DDI2: variants seen among roughly 807,000 people sequenced by gnomAD.
DDI2 encodes the protein DDI proteasomal shuttling factor 2, also known as protein DDI1 homolog 2.
A neutral mutation model predicts 48.1 loss-of-function variants in DDI2; 5 were observed. The observed-to-expected ratio is 0.10, with a 90% CI of 0.05 to 0.22. The LOEUF (loss-of-function observed/expected upper bound fraction) is 0.22, where lower values mean the gene tolerates loss of function less well. Among genes scored for constraint, DDI2 ranks in the 10% least tolerant of loss-of-function variants. The pLI is 1.00. For missense variants in DDI2, 285 were observed against 506.2 expected (o/e 0.56, Z 4.19); for synonymous variants, 205 against 183.6 (o/e 1.12, Z -0.94).
intron 1 of DDI2, among the ~76,000 whole-genome samples, chr1:15,620,894 G>A (rs887181640): frequency 6.6e-6 from 1 of 152,170 alleles, no homozygotes; most frequent in Non-Finnish European, 1.5e-5. Flanking sequence ...TTCCTCCACC[G>A]TTAAAGAATT....
At chr1:15,624,349 T>A (rs1639719657) in intron 1 of DDI2, among the ~76,000 whole-genome samples, 1 of 152,244 alleles carries the variant, frequency 6.6e-6, no homozygotes, top group South Asian at 2.1e-4. Context: ...GTTGTTTTGC[T>A]GAAATTCTGT....
At chr1:15,631,770 A>G (rs541939377) in intron 3 of DDI2, among the ~76,000 whole-genome samples, 4 of 151,538 alleles carry the variant, frequency 2.6e-5, no homozygotes, top group African/African-American at 9.7e-5. Flanking sequence ...CTTCATGTAT[A>G]TGGAATAATA....
intron 5 of DDI2, among the ~76,000 whole-genome samples, chr1:15,640,496 A>G (rs1243413495): frequency 6.6e-6 from 1 of 152,172 alleles, no homozygotes; most frequent in Non-Finnish European, 1.5e-5. Context: ...GATGCCAGAA[A>G]TCTCAACCAC....
In DDI2 at chr1:15,668,826, A is replaced by G. The variant is rs1640489281; in HGVS notation, c.*9036A>G. Reference sequence around the variant, plus strand: ...ACTCAGGAATCCCAAAATTGGTGGCATTGTGCCATTCGTTTAGGGGCTGAA... The same window carrying G: ...ACTCAGGAATCCCAAAATTGGTGGCGTTGTGCCATTCGTTTAGGGGCTGAA... On this transcript the variant is annotated 3_prime_UTR_variant, in exon 10 of 10. Transcript: ENST00000480945. 1 of 152,234 alleles carries G rather than the reference A, an allele frequency of 6.6e-6. No individual in the cohort carries two copies. Among genetic ancestry groups the G allele is most frequent in the Admixed American group, 6.5e-5 (1 of 15,274 alleles). 9.4% of individuals were successfully genotyped at this position (152,234 alleles called of 1,614,324 possible).
chr1:15,629,293 A>T (rs145589504), intron 2 of DDI2, among the ~76,000 whole-genome samples: 141 of 152,270 alleles, frequency 9.3e-4, no homozygotes, highest in African/African-American at 3.2e-3. Flanking sequence ...CTCACTTGAC[A>T]TATATAATAT....
At position 15,662,892 on chromosome 1, in the gene DDI2, T is replaced by C. The variant is rs1029819689; in HGVS notation, c.*3102T>C. The C allele has an allele frequency of 1.3e-5, 2 of 152,222 alleles. No homozygotes were observed. The highest frequency in any genetic ancestry group is 2.4e-5 in the African/African-American group (1 of 41,462). The allele number at this position is 152,222 out of a possible 1,614,324, so 9.4% of individuals were successfully genotyped here. Reference sequence around the variant, plus strand: ...TTTCTTTCCTCAGGAGTTTCTTTTTTAAGCAAAATTCATCTTATTTGTGTT... The same window carrying C: ...TTTCTTTCCTCAGGAGTTTCTTTTTCAAGCAAAATTCATCTTATTTGTGTT... On this transcript the variant is annotated 3_prime_UTR_variant, in exon 10 of 10. Coordinates refer to ENST00000480945, the MANE Select transcript of DDI2 (RefSeq NM_032341.5).
At chr1:15,637,463 G>C (rs1639946785) in intron 4 of DDI2, among the ~76,000 whole-genome samples, 1 of 152,150 alleles carries the variant, frequency 6.6e-6, no homozygotes, top group Non-Finnish European at 1.5e-5. Context: ...CGCCCCCCGG[G>C]TTCAAGCAGT....
chr1:15,640,848 T>C (rs1019862808), intron 5 of DDI2, among the ~76,000 whole-genome samples: 1 of 152,062 alleles, frequency 6.6e-6, no homozygotes, highest in Non-Finnish European at 1.5e-5. Flanking sequence ...AGTGTTGGAA[T>C]TGAGTGAGAG....
At chr1:15,623,860 A>G (rs1639710750) in intron 1 of DDI2, among the ~76,000 whole-genome samples, 1 of 152,076 alleles carries the variant, frequency 6.6e-6, no homozygotes, top group Admixed American at 6.6e-5. Context: ...GGAGATCGAG[A>G]CCATCCTGGC....
rs528580114 is a variant in DDI2, at chr1:15,639,655, G to C, written c.760+1221G>C. On this transcript the variant is annotated intron_variant, in intron 5 of 9. Coordinates refer to ENST00000480945, the MANE Select transcript of DDI2 (RefSeq NM_032341.5). ...ATTTTTTAACTTTTTGTAGAGACAG[G>C]GTTCCCCTGTATTGTGTAGGCTGAT... 1.2e-4 allele frequency among the ~76,000 whole-genome samples: 19 copies of C among 152,174 alleles called. No individual in the cohort carries two copies. The South Asian group carries it at 3.1e-3, about 25-fold the overall frequency.
intron 2 of DDI2, chr1:15,627,125 G>A (rs1420070375): frequency 3.0e-5 from 7 of 230,074 alleles, no homozygotes; most frequent in Non-Finnish European, 1.7e-5. Context: ...CCTTGGGAAG[G>A]ACTTGAAAGA....
chr1:15,636,024 C>T (rs1010950146), intron 4 of DDI2, among the ~76,000 whole-genome samples: 4 of 152,172 alleles, frequency 2.6e-5, no homozygotes, highest in African/African-American at 9.7e-5. Context: ...GTGCTTTTGA[C>T]TTTCTGAGTT....
chr1:15,663,021 T>C lies in DDI2; in HGVS notation c.*3231T>C, dbSNP rs1640404711. ...GAAATCATTGTCCTGTGGGCCCCAC[T>C]GTGCAATAATCCTACTGGATAGGTT... On this transcript the variant is annotated 3_prime_UTR_variant, in exon 10 of 10. Coordinates refer to ENST00000480945, the MANE Select transcript of DDI2 (RefSeq NM_032341.5). 1 of 152,234 alleles carries C rather than the reference T, an allele frequency of 6.6e-6. No homozygotes were observed. The allele number at this position is 152,234 out of a possible 1,614,324, so 9.4% of individuals were successfully genotyped here. A position where few individuals can be genotyped will look rare whatever the true frequency, so the allele number is the denominator to read the frequency against.
intron 5 of DDI2, among the ~76,000 whole-genome samples, chr1:15,640,361 A>G (rs1322942231): frequency 6.6e-6 from 1 of 152,204 alleles, no homozygotes; most frequent in Non-Finnish European, 1.5e-5. Flanking sequence ...GAAAACTTAG[A>G]TATAGAGAGG....
chr1:15,652,008 G>A, intron 8 of DDI2, 113 bp downstream of exon 8: 3 of 794,498 alleles, frequency 3.8e-6, no homozygotes, highest in Middle Eastern at 4.8e-4. Flanking sequence ...TCATGGTCCA[G>A]TAGTAGATGT....
chr1:15,624,757 C>CCTA (rs757447212), intron 1 of DDI2, among the ~76,000 whole-genome samples: 6 of 151,956 alleles, frequency 3.9e-5, no homozygotes, highest in Non-Finnish European at 7.4e-5. Context: ...GGAGTTATAT[C>CCTA]CTACTACTCA....
rs1441226953 is a variant in DDI2 at position 15,649,724 on chromosome 1, G to A, written c.894G>A (p.Gln298=). The A allele has an allele frequency of 6.2e-7, 1 of 1,610,734 alleles. No homozygotes were observed. Among genetic ancestry groups the A allele is most frequent in the Admixed American group, 1.7e-5 (1 of 59,078 alleles). The change falls in exon 7 of 10, where the codon CAG becomes CAA. Residue 298 remains glutamine (Q), a synonymous_variant. Coordinates refer to ENST00000480945, the MANE Select transcript of DDI2 (RefSeq NM_032341.5). ...QKIIGRVHLA[Q]VQIEGDFLPC... ...TTCTCTTCATGTGCTTTTTAGCTCAGGTTCAGATTGAAGGAGATTTTTTGC... is the reference window on the plus strand; with the variant it reads ...TTCTCTTCATGTGCTTTTTAGCTCAAGTTCAGATTGAAGGAGATTTTTTGC...
At chr1:15,659,398 G>T (rs1640324144) in intron 9 of DDI2, among the ~76,000 whole-genome samples, 1 of 152,148 alleles carries the variant, frequency 6.6e-6, no homozygotes, top group Admixed American at 6.6e-5. Flanking sequence ...CACATTCCTG[G>T]ATTTACTCTC....
intron 6 of DDI2, among the ~76,000 whole-genome samples, chr1:15,645,867 C>CAAAA (rs562840511): frequency 1.0e-5 from 1 of 95,720 alleles, no homozygotes; most frequent in African/African-American, 3.6e-5. Flanking sequence ...GAACTCGTCT[C>CAAAA]AAAAAAAAAA....
Sources: gnomAD v4.1 joint callset for allele counts (sites outside exome capture counted in the v4.1 genomes callset) on GRCh38, gnomAD v4.1.1 for gene constraint, MANE v1.5 for transcripts, NCBI Gene and HGNC (gene_info 2026-07-23, HGNC 2026-07-21) for gene names.